The following EFHC1 variants were observed in gnomAD, a reference collection of about 807,000 sequenced individuals.
The protein encoded by EFHC1 is EF-hand domain-containing protein 1.
In EFHC1, 53 loss-of-function variants were observed where a neutral mutation model predicts 69.9. That is an observed-to-expected ratio of 0.76 (90% confidence interval 0.61 to 0.95). EFHC1 has a LOEUF of 0.95. EFHC1 is among the 40% of genes least tolerant of loss of function. The probability of loss-of-function intolerance (pLI) is 0.00; values close to 1 mark genes in which losing one functional copy is unlikely to be tolerated. For missense variants in EFHC1, 739 were observed against 798.7 expected, an observed-to-expected ratio of 0.93 and a Z score of 0.90; for synonymous variants, 256 against 278.4, an observed-to-expected ratio of 0.92 and a Z score of 0.80.
At chr6:52,469,260 C>G (rs1189825514) in intron 6 of EFHC1, 73 bp from the exon 7 acceptor site, 4 of 1,583,018 alleles carry the variant, frequency 2.5e-6, no homozygotes, top group Non-Finnish European at 3.5e-6. Context: ...TTTCTTTAAA[C>G]TTATAGTTAC....
intron 7 of EFHC1, among the ~76,000 whole-genome samples, chr6:52,471,387 T>A (rs1165187762): frequency 6.6e-6 from 1 of 152,250 alleles, no homozygotes; most frequent in African/African-American, 2.4e-5. Context: ...ACAAATTCTC[T>A]GCAGATGACA....
intron 2 of EFHC1, among the ~76,000 whole-genome samples, chr6:52,425,798 G>A (rs1476918060): frequency 6.6e-6 from 1 of 152,062 alleles, no homozygotes; most frequent in East Asian, 1.9e-4. Flanking sequence ...TTTAAATGAA[G>A]GACCTCTAAT....
chr6:52,431,238 CTGGGTT>C (rs1764405951), intron 2 of EFHC1, among the ~76,000 whole-genome samples: 1 of 151,824 alleles, frequency 6.6e-6, no homozygotes, highest in South Asian at 2.1e-4. Flanking sequence ...CTTTCTTCTG[CTGGGTT>C]TGGGTTTGGT....
chr6:52,495,600 G>A lies in EFHC1; in HGVS notation c.*3259G>A, dbSNP rs1431385383. ...GCTGTTTTGTTTTGTTTTTGTGTTT[G>A]TTTTTTAGAGACAGGGTCTTACTCT... On this transcript the variant is annotated 3_prime_UTR_variant, in exon 11 of 11. Coordinates refer to ENST00000371068, the MANE Select transcript of EFHC1 (RefSeq NM_018100.4). 1 of 453,826 alleles carries A rather than the reference G, an allele frequency of 2.2e-6. No individual in the cohort carries two copies. The highest frequency in any genetic ancestry group is 4.4e-6 in the Non-Finnish European group (1 of 226,726). The allele number at this position is 453,826 out of a possible 1,614,324, so 28.1% of individuals were successfully genotyped here.
chr6:52,459,618 G>A lies in EFHC1; in HGVS notation c.917-5277G>A, dbSNP rs115288935. ...TTCACACACTGCTAGTGGAAGGTCAGCTGAAACAACCACGTTGAAAAATAG... is the reference window on the plus strand; with the variant it reads ...TTCACACACTGCTAGTGGAAGGTCAACTGAAACAACCACGTTGAAAAATAG... On this transcript the variant is annotated intron_variant, in intron 5 of 10. Transcript: ENST00000371068. 5.6e-3 allele frequency among the ~76,000 whole-genome samples: 847 copies of A among 152,356 alleles called. 8 individuals carry two copies. Among genetic ancestry groups the A allele is most frequent in the African/African-American group, 0.019 (797 of 41,588 alleles).
chr6:52,454,150 G>A lies in EFHC1; in HGVS notation c.779G>A (p.Arg260Gln), dbSNP rs145754721. ...DDTDSMYGEC[R>Q]TYIIHYYLMD... ...ACAGACAGCATGTATGGTGAATGTC[G>A]GACCTACATCATTCATTACTATCTT... The change falls in exon 5 of 11, where the codon CGG becomes CAG. Residue 260 changes from arginine (R) to glutamine (Q), a missense_variant. Transcript: ENST00000371068. 4.1e-4 allele frequency: 667 copies of A among 1,613,938 alleles called. 4 individuals are homozygous for A. The highest frequency in any genetic ancestry group is 1.8e-3 in the South Asian group (162 of 91,060).
chr6:52,459,714 G>T (rs1487597342), intron 5 of EFHC1, among the ~76,000 whole-genome samples: 3 of 151,234 alleles, frequency 2.0e-5, no homozygotes, highest in Middle Eastern at 6.9e-3. Flanking sequence ...TCGCTTTGTC[G>T]CCCAGGCTGG....
At chr6:52,453,710 A>G in intron 4 of EFHC1, 1 of 1,250,174 alleles carries the variant, frequency 8.0e-7, no homozygotes, top group Non-Finnish European at 1.0e-6. Context: ...ATAAATAAAA[A>G]TTTTTTCTAC....
At chr6:52,453,086 TA>T (rs1460187990) in intron 4 of EFHC1, 24 of 1,473,836 alleles carry the variant, frequency 1.6e-5, no homozygotes, top group Non-Finnish European at 1.9e-5. Flanking sequence ...ACCAAACATT[TA>T]AATCTCAAAG....
At chr6:52,433,585 G>T (rs1764462364) in intron 2 of EFHC1, among the ~76,000 whole-genome samples, 1 of 152,172 alleles carries the variant, frequency 6.6e-6, no homozygotes, top group Admixed American at 6.5e-5. Context: ...AGGTGGCAGG[G>T]GGGTGAAACG....
intron 2 of EFHC1, among the ~76,000 whole-genome samples, chr6:52,429,138 G>A (rs915978031): frequency 1.3e-5 from 2 of 152,064 alleles, no homozygotes; most frequent in African/African-American, 4.8e-5. Flanking sequence ...CCCACTCTGT[G>A]GGTTGTCTGT....
intron 2 of EFHC1, among the ~76,000 whole-genome samples, chr6:52,431,928 G>A (rs1764424218): frequency 6.6e-6 from 1 of 152,090 alleles, no homozygotes. Flanking sequence ...CTGTTGGACA[G>A]GTCTTTTATC....
intron 9 of EFHC1, chr6:52,484,303 A>G (rs1038248301): frequency 6.6e-6 from 1 of 152,340 alleles, no homozygotes; most frequent in South Asian, 2.1e-4. Context: ...TTATGTGTTT[A>G]TATCTATTGC....
At chr6:52,486,637 T>G (rs547286818) in intron 9 of EFHC1, 5 of 152,360 alleles carry the variant, frequency 3.3e-5, no homozygotes, top group African/African-American at 1.2e-4. Flanking sequence ...TGAGATCAAA[T>G]GATCCAATGT....
At chr6:52,446,207 A>G (rs1049987777) in intron 3 of EFHC1, among the ~76,000 whole-genome samples, 2 of 152,282 alleles carry the variant, frequency 1.3e-5, no homozygotes, top group Non-Finnish European at 2.9e-5. Context: ...GTCTCTTTGT[A>G]TGTCACTAAG....
chr6:52,434,134 C>T (rs1292249695), intron 2 of EFHC1, among the ~76,000 whole-genome samples: 1 of 152,194 alleles, frequency 6.6e-6, no homozygotes, highest in East Asian at 1.9e-4. Flanking sequence ...GTGGGGCTTT[C>T]CTTCTTCCCC....
intron 2 of EFHC1, among the ~76,000 whole-genome samples, chr6:52,434,950 C>T (rs1764499446): frequency 6.6e-6 from 1 of 151,906 alleles, no homozygotes; most frequent in Non-Finnish European, 1.5e-5. Flanking sequence ...ATCTCCTTGC[C>T]TCCCATTCTC....
At chr6:52,445,571 C>G (rs1196113756) in intron 3 of EFHC1, among the ~76,000 whole-genome samples, 1 of 151,710 alleles carries the variant, frequency 6.6e-6, no homozygotes, top group Non-Finnish European at 1.5e-5. Context: ...CAGTTCTGCT[C>G]TGTTCTTAGT....
At chr6:52,449,653 G>A (rs1404111143) in intron 3 of EFHC1, among the ~76,000 whole-genome samples, 1 of 152,168 alleles carries the variant, frequency 6.6e-6, no homozygotes, top group Non-Finnish European at 1.5e-5. Flanking sequence ...TTATAATTCT[G>A]TGGGGTCAGT....
Sources: allele counts gnomAD v4.1 joint callset (sites outside exome capture counted in the v4.1 genomes callset), GRCh38; gene constraint gnomAD v4.1.1; transcripts MANE v1.5; gene names NCBI Gene and HGNC (gene_info 2026-07-23, HGNC 2026-07-21).